MCM9: variants seen among roughly 807,000 people sequenced by gnomAD.
MCM9 encodes the protein DNA helicase MCM9.
In MCM9, 55 loss-of-function variants were observed where a neutral mutation model predicts 72.8. That is an observed-to-expected ratio of 0.76 (90% CI 0.61 to 0.95). The LOEUF (loss-of-function observed/expected upper bound fraction) is 0.95, where lower values mean the gene tolerates loss of function less well. Among genes scored for constraint, MCM9 ranks in the 40% least tolerant of loss-of-function variants. The pLI is 0.00. For missense variants in MCM9, 1,279 were observed against 1,377.0 expected (o/e 0.93, Z 1.13); for synonymous variants, 480 against 503.4 (o/e 0.95, Z 0.62).
At chr6:118,905,785 C>T in intron 8 of MCM9, 1 of 1,611,536 alleles carries the variant, frequency 6.2e-7, no homozygotes, top group South Asian at 1.1e-5. Flanking sequence ...TATACTGAGA[C>T]AGAATTAAGG....
intron 9 of MCM9, among the ~76,000 whole-genome samples, chr6:118,843,655 T>TATATATACACGTATATATATATAGATAC (rs1491542240): frequency 2.6e-5 from 1 of 38,616 alleles, no homozygotes; most frequent in Admixed American, 3.9e-4. Context: ...TATATATATA[T>TATATATACACGTATATATATATAGATAC]GTGTATATAT....
intron 9 of MCM9, among the ~76,000 whole-genome samples, chr6:118,843,822 C>G (rs1775676118): frequency 6.7e-6 from 1 of 148,990 alleles, no homozygotes; most frequent in Non-Finnish European, 1.5e-5. Context: ...TAATTCAAAT[C>G]AAAACTGCTT....
intron 10 of MCM9, among the ~76,000 whole-genome samples, 200 bp from the exon 11 acceptor site, chr6:118,828,330 T>C (rs1774305317): frequency 6.6e-6 from 1 of 152,194 alleles, no homozygotes; most frequent in South Asian, 2.1e-4. Context: ...CCTGCCTTTA[T>C]TAAAAATTAT....
chr6:118,922,147 T>A (rs1382029931), intron 4 of MCM9, 61 bp from the exon 5 acceptor site: 6 of 1,246,482 alleles, frequency 4.8e-6, no homozygotes, highest in Non-Finnish European at 5.6e-6. Flanking sequence ...TATCCAGAAG[T>A]CTAGCAGTAC....
In MCM9 at chr6:118,913,372, T is replaced by C; in HGVS notation, c.953A>G (p.Tyr318Cys). Residue 318 changes from tyrosine (Y) to cysteine (C), a missense_variant, in exon 7 of 14, where the codon TAT becomes TGT. Tyr to Cys is a radical substitution (Grantham distance 194). Coordinates refer to ENST00000619706, the MANE Select transcript of MCM9 (RefSeq NM_017696.3). ...CATGGCCACAGCAAGCTTTACTAGATACATTCCAAACACTTGAGGGCACAA... is the reference window on the plus strand; with the variant it reads ...CATGGCCACAGCAAGCTTTACTAGACACATTCCAAACACTTGAGGGCACAA... ...ASLCPQVFGM[Y>C]LVKLAVAMVL... 3 of 1,614,096 alleles carry C rather than the reference T, an allele frequency of 1.9e-6. No homozygotes were observed. The highest frequency in any genetic ancestry group is 2.5e-6 in the Non-Finnish European group (3 of 1,179,976).
intron 8 of MCM9, among the ~76,000 whole-genome samples, chr6:118,869,621 A>G (rs982155573): frequency 6.8e-6 from 1 of 147,202 alleles, no homozygotes; most frequent in African/African-American, 2.5e-5. Context: ...AAAAAAAAAG[A>G]AGCCAATTTA....
intron 8 of MCM9, among the ~76,000 whole-genome samples, chr6:118,909,727 T>C (rs1344722585): frequency 1.3e-5 from 2 of 152,190 alleles, no homozygotes; most frequent in East Asian, 3.9e-4. Flanking sequence ...GGCTCCCATA[T>C]AACTATACCC....
At chr6:118,860,216 G>C (rs751081042) in intron 8 of MCM9, among the ~76,000 whole-genome samples, 52 of 151,984 alleles carry the variant, frequency 3.4e-4, no homozygotes, top group Non-Finnish European at 5.7e-4. Context: ...TGATTAATAT[G>C]CTAAGAGATC....
At chr6:118,920,865 C>T (rs574953440) in intron 5 of MCM9, 16 of 152,316 alleles carry the variant, frequency 1.1e-4, no homozygotes, top group East Asian at 5.8e-4. Flanking sequence ...TTTATAGCAA[C>T]GCAAGAATGG....
Position 118,913,284 on chromosome 6 carries a change from T to C in MCM9, c.1030+11A>G, listed in dbSNP as rs1157202405. The C allele has an allele frequency of 3.1e-6, 5 of 1,611,968 alleles. No homozygotes were observed. The highest frequency in any genetic ancestry group is 1.7e-5 in the Admixed American group (1 of 59,566). On this transcript the variant is annotated intron_variant, in intron 7 of 13. Transcript: ENST00000619706. ...GTCAATATTACTCAAAATTTCTAAA[T>C]AGGTACTAACCTCTGACCCGTGTTC...
In MCM9 at chr6:118,829,173, G is replaced by T. The variant is rs1774366657; in HGVS notation, c.1403C>A (p.Ser468Tyr). ...GCCGAGGGCAATGTTCACAGACACG[G>T]ACTCCTGGGGGTCGTACTGGCCTTT... ...NPKGQYDPQE[S>Y]VSVNIALGSP... Residue 468 changes from serine (S) to tyrosine (Y), a missense_variant, in exon 10 of 14, where the codon TCC becomes TAC. Coordinates refer to ENST00000619706, the MANE Select transcript of MCM9 (RefSeq NM_017696.3). 9 of 1,550,552 alleles carry T rather than the reference G, an allele frequency of 5.8e-6. No individual in the cohort carries two copies. In the South Asian group the frequency reaches 9.5e-5, roughly 16 times the overall value.
chr6:118,874,035 C>G (rs1777780578), intron 8 of MCM9, among the ~76,000 whole-genome samples: 1 of 152,014 alleles, frequency 6.6e-6, no homozygotes, highest in Non-Finnish European at 1.5e-5. Context: ...GGGCGGATTG[C>G]TTGAGCCCAG....
chr6:118,855,276 T>C (rs561687070), intron 9 of MCM9, among the ~76,000 whole-genome samples: 1 of 152,316 alleles, frequency 6.6e-6, no homozygotes, highest in South Asian at 2.1e-4. Flanking sequence ...TTAAAGTATA[T>C]TTTCTTATAA....
At chr6:118,827,792 C>A in intron 11 of MCM9, 135 bp downstream of exon 11, 1 of 763,752 alleles carries the variant, frequency 1.3e-6, no homozygotes, top group Non-Finnish European at 2.1e-6. Flanking sequence ...TGGCTCAGAG[C>A]CTTTATTTTT....
rs369237902 is a variant in MCM9 at position 118,881,145 on chromosome 6, A to G, written c.1151-24600T>C. On this transcript the variant is annotated intron_variant, in intron 8 of 13. Transcript: ENST00000619706. ...TGACTATGGGAAATTGAAATCATGC[A>G]AAGCAAAACCCCGGATGAACTACTG... 3.3e-5 allele frequency among the ~76,000 whole-genome samples: 5 copies of G among 152,332 alleles called. No homozygotes were observed. The East Asian group carries it at 7.7e-4, about 23-fold the overall frequency.
intron 8 of MCM9, chr6:118,907,437 C>A (rs1780253670): frequency 6.2e-7 from 1 of 1,609,604 alleles, no homozygotes; most frequent in Non-Finnish European, 8.5e-7. Flanking sequence ...ATCCCAGGGT[C>A]ACAAGATTCC....
chr6:118,825,536 G>T (rs187787992), intron 13 of MCM9, among the ~76,000 whole-genome samples: 1 of 152,164 alleles, frequency 6.6e-6, no homozygotes, highest in African/African-American at 2.4e-5. Context: ...AGTAAGAGCT[G>T]CAGGTCAATT....
intron 6 of MCM9, among the ~76,000 whole-genome samples, chr6:118,915,275 C>T (rs949466621): frequency 1.3e-5 from 2 of 152,166 alleles, no homozygotes; most frequent in Non-Finnish European, 2.9e-5. Context: ...CCCATCCTCA[C>T]CTCCCTCCCA....
chr6:118,930,268 G>T (rs1158340926), intron 3 of MCM9, among the ~76,000 whole-genome samples: 5 of 152,004 alleles, frequency 3.3e-5, no homozygotes, highest in Non-Finnish European at 7.4e-5. Context: ...CCGCCACCAT[G>T]CCCGGCTAAT....
Sources: allele counts gnomAD v4.1 joint callset (sites outside exome capture counted in the v4.1 genomes callset), GRCh38; gene constraint gnomAD v4.1.1; transcripts MANE v1.5; gene names NCBI Gene and HGNC (gene_info 2026-07-23, HGNC 2026-07-21).